SMAP2: variants seen among roughly 807,000 people sequenced by gnomAD.
The protein encoded by SMAP2 is stromal membrane-associated protein 2.
SMAP2 carries 25 observed loss-of-function variants against 56.4 expected under a neutral mutation model. The ratio of observed to expected loss-of-function variants is 0.44; its 90% CI spans 0.32 to 0.62. SMAP2 has a LOEUF of 0.62. Among genes scored for constraint, SMAP2 ranks in the 20% least tolerant of loss-of-function variants. SMAP2 has a pLI of 0.04. For missense variants in SMAP2, 388 were observed against 545.6 expected (o/e 0.71, Z 2.88); for synonymous variants, 157 against 181.7 (o/e 0.86, Z 1.09).
chr1:40,383,113 C>G (rs1242392386), intron 1 of SMAP2, among the ~76,000 whole-genome samples: 1 of 152,092 alleles, frequency 6.6e-6, no homozygotes, highest in Non-Finnish European at 1.5e-5. Flanking sequence ...CTAGAAGAGC[C>G]AAGAAGCTGA....
chr1:40,365,520 A>G (rs1055258732), intron 2 of SMAP2, among the ~76,000 whole-genome samples: 1 of 152,092 alleles, frequency 6.6e-6, no homozygotes, highest in African/African-American at 2.4e-5. Context: ...CTATAACTGG[A>G]TACATTCGGG....
Position 40,422,864 on chromosome 1 carries a change from G to T in SMAP2, c.*763G>T, listed in dbSNP as rs1435997155. ...GACCAACCCCTATAGTGGGAATGCA[G>T]AGCTTAACGTGTACTGCTTGTGTGT... On this transcript the variant is annotated 3_prime_UTR_variant, in exon 10 of 10. Transcript: ENST00000372718. 2 of 152,790 alleles carry T rather than the reference G, an allele frequency of 1.3e-5. No homozygotes were observed. The highest frequency in any genetic ancestry group is 2.9e-5 in the Non-Finnish European group (2 of 68,442). 9.5% of individuals were successfully genotyped at this position (152,790 alleles called of 1,614,324 possible).
intron 4 of SMAP2, among the ~76,000 whole-genome samples, chr1:40,410,161 A>C (rs1178292495): frequency 6.6e-6 from 1 of 152,106 alleles, no homozygotes; most frequent in Non-Finnish European, 1.5e-5. Flanking sequence ...TCGGAGGATT[A>C]CGTGAGCCAG....
At chr1:40,375,236 TC>T (rs1644530394) in intron 1 of SMAP2, among the ~76,000 whole-genome samples, 1 of 152,224 alleles carries the variant, frequency 6.6e-6, no homozygotes, top group Non-Finnish European at 1.5e-5. Context: ...AAAATTATTT[TC>T]CCTTTGGTTG....
At position 40,416,240 on chromosome 1, in the gene SMAP2, C is replaced by T. The variant is rs371944088; in HGVS notation, c.746C>T (p.Pro249Leu). 7.8e-5 allele frequency: 126 copies of T among 1,613,880 alleles called. No homozygotes were observed. The highest frequency in any genetic ancestry group is 9.9e-5 in the Non-Finnish European group (117 of 1,180,010). The change falls in exon 8 of 10, where the codon CCG (proline) becomes CTG (leucine). Residue 249 changes from proline (P) to leucine (L), a missense_variant. Pro to Leu is a moderately conservative substitution (Grantham distance 98). Transcript: ENST00000372718. ...GSVPENLNLF[P>L]EPGSKSEEIG... Reference sequence around the variant, plus strand: ...GTTCCTGAAAATCTGAACCTGTTTCCGGAGCCAGGGAGCAAATCAGAAGAA... The same window carrying T: ...GTTCCTGAAAATCTGAACCTGTTTCTGGAGCCAGGGAGCAAATCAGAAGAA...
chr1:40,384,310 A>G (rs920884655), intron 1 of SMAP2, among the ~76,000 whole-genome samples: 3 of 152,072 alleles, frequency 2.0e-5, no homozygotes, highest in Non-Finnish European at 4.4e-5. Context: ...TTACCCCACA[A>G]CTTCAGATAA....
intron 1 of SMAP2, among the ~76,000 whole-genome samples, chr1:40,381,819 A>C (rs209583): frequency 0.36 from 55,136 of 152,070 alleles, 10,540 homozygotes; most frequent in Non-Finnish European, 0.43. Context: ...AATAGTAAGA[A>C]AGGTCTGAGC....
At position 40,416,985 on chromosome 1, in the gene SMAP2, G is replaced by A. The variant is rs377679107; in HGVS notation, c.1053G>A (p.Pro351=). The A allele has an allele frequency of 2.4e-5, 38 of 1,614,066 alleles. No individual in the cohort carries two copies. Among genetic ancestry groups the A allele is most frequent in the East Asian group, 1.1e-4 (5 of 44,886 alleles). ...TGCAGGCATCAATGATGGGTGTGCC[G>A]AATGGAATGATGACCACCCAGCAGG... ...GGMQASMMGV[P]NGMMTTQQAG... is the part of the protein sequence containing the mutation. The change falls in exon 9 of 10, where the codon CCG becomes CCA. Residue 351 remains proline (P), a synonymous_variant. Transcript: ENST00000372718.
intron 1 of SMAP2, among the ~76,000 whole-genome samples, chr1:40,389,277 A>G (rs1368107555): frequency 6.7e-6 from 1 of 150,322 alleles, no homozygotes; most frequent in East Asian, 2.0e-4. Flanking sequence ...GTCCTACATT[A>G]GTAGAAAGGA....
At chr1:40,372,039 G>A (rs566880891), upstream of SMAP2, among the ~76,000 whole-genome samples, 1 of 152,310 alleles carries the variant, frequency 6.6e-6, no homozygotes, top group African/African-American at 2.4e-5. Flanking sequence ...TCACTAGGTG[G>A]GAACAATTTG....
intron 1 of SMAP2, among the ~76,000 whole-genome samples, chr1:40,356,063 C>T (rs1644433988): frequency 6.6e-6 from 1 of 152,324 alleles, no homozygotes. Context: ...TTAGCTCCCA[C>T]AAATGAGTGA....
chr1:40,361,905 T>A (rs2124177685), intron 1 of SMAP2, among the ~76,000 whole-genome samples: 1 of 152,266 alleles, frequency 6.6e-6, no homozygotes, highest in Non-Finnish European at 1.5e-5. Flanking sequence ...GATAAACTGG[T>A]TAGGATTCCA....
chr1:40,405,440 G>T (rs1463368684), intron 1 of SMAP2, among the ~76,000 whole-genome samples: 4 of 152,198 alleles, frequency 2.6e-5, no homozygotes, highest in African/African-American at 9.7e-5. Context: ...AGTGAGCTAT[G>T]ATCGTGCCAC....
In SMAP2 at chr1:40,406,767, G is replaced by A; in HGVS notation, c.135G>A (p.Val45=). The A allele has an allele frequency of 6.2e-7, 1 of 1,614,082 alleles. No individual in the cohort carries two copies. The highest frequency in any genetic ancestry group is 8.5e-7 in the Non-Finnish European group (1 of 1,179,950). The change falls in exon 2 of 10, where the codon GTG becomes GTA. Residue 45 remains valine, a synonymous_variant. Transcript: ENST00000372718. ...GPRWASWNIG[V]FICIRCAGIH... is the part of the protein sequence containing the mutation. ...GATGGGCCTCTTGGAACATTGGTGT[G>A]TTCATCTGCATTCGATGTGCTGGAA...
intron 6 of SMAP2, 33 bp downstream of exon 6, chr1:40,414,273 T>C: frequency 4.4e-6 from 7 of 1,601,850 alleles, no homozygotes; most frequent in Non-Finnish European, 6.0e-6. Flanking sequence ...TCCATGTTCT[T>C]ACAAATTTTG....
chr1:40,387,237 AT>A (rs1644666168), intron 1 of SMAP2, among the ~76,000 whole-genome samples: 1 of 152,222 alleles, frequency 6.6e-6, no homozygotes. Context: ...AACATTTATT[AT>A]AAGCTTATTT....
intron 1 of SMAP2, among the ~76,000 whole-genome samples, chr1:40,391,503 C>T (rs936006875): frequency 6.6e-6 from 1 of 152,162 alleles, no homozygotes; most frequent in Non-Finnish European, 1.5e-5. Context: ...CATTCACTCA[C>T]AAAGGCTATC....
chr1:40,394,273 A>G (rs888851229), intron 1 of SMAP2, among the ~76,000 whole-genome samples: 4 of 152,120 alleles, frequency 2.6e-5, no homozygotes, highest in African/African-American at 9.7e-5. Flanking sequence ...AGGGATTGGA[A>G]GGATTTTGAT....
intron 1 of SMAP2, among the ~76,000 whole-genome samples, chr1:40,349,620 G>A (rs1355051999): frequency 6.6e-6 from 1 of 152,134 alleles, no homozygotes; most frequent in Non-Finnish European, 1.5e-5. Flanking sequence ...CTGGGTTCAA[G>A]TGATTCTCGT....
Sources: gnomAD v4.1 joint callset for allele counts (sites outside exome capture counted in the v4.1 genomes callset) on GRCh38, gnomAD v4.1.1 for gene constraint, MANE v1.5 for transcripts, NCBI Gene and HGNC (gene_info 2026-07-23, HGNC 2026-07-21) for gene names.